The following CCDC102B variants were observed in gnomAD, a reference collection of about 807,000 sequenced individuals.
CCDC102B encodes the protein coiled-coil domain containing 102B.
Under a neutral mutation model 57.4 loss-of-function variants are expected in CCDC102B, and 75 were observed. The observed-to-expected ratio is 1.31, with a 90% CI of 1.08 to 1.58. CCDC102B has a LOEUF of 1.58. Ranked by LOEUF, CCDC102B falls within the 40% of genes most tolerant of loss-of-function variation. CCDC102B has a pLI of 0.00. For missense variants in CCDC102B, 636 were observed against 582.6 expected (o/e 1.09, Z -0.94); for synonymous variants, 206 against 201.9 (o/e 1.02, Z -0.17).
In CCDC102B at chr18:69,031,797, A is replaced by G. The variant is rs559974653; in HGVS notation, c.1434+20693A>G. Among the ~76,000 whole-genome samples the G allele has an allele frequency of 2.0e-5, 3 of 152,262 alleles. No individual in the cohort carries two copies. The South Asian group carries it at 6.2e-4, about 32-fold the overall frequency. On this transcript the variant is annotated intron_variant, in intron 7 of 7. Coordinates refer to ENST00000360242, the MANE Select transcript of CCDC102B (RefSeq NM_024781.3). ...GTGTGGCAGGTGGTGTCTTAATATAATAACTGGGCTGAATTCCCAGAGTAC... is the reference window on the plus strand; with the variant it reads ...GTGTGGCAGGTGGTGTCTTAATATAGTAACTGGGCTGAATTCCCAGAGTAC...
intron 1 of CCDC102B, among the ~76,000 whole-genome samples, chr18:68,817,476 C>T (rs933950712): frequency 1.3e-5 from 2 of 152,132 alleles, no homozygotes; most frequent in African/African-American, 4.8e-5. Flanking sequence ...TATCTTGGTT[C>T]TGTTTTTCTG....
At chr18:68,722,640 T>C (rs929797691) in intron 2 of CCDC102B, among the ~76,000 whole-genome samples, 1 of 152,192 alleles carries the variant, frequency 6.6e-6, no homozygotes, top group Non-Finnish European at 1.5e-5. Flanking sequence ...TTAGAAGCCT[T>C]TAGATGTTTA....
At chr18:69,022,838 G>T (rs539249511) in intron 7 of CCDC102B, among the ~76,000 whole-genome samples, 64 of 151,830 alleles carry the variant, frequency 4.2e-4, no homozygotes, top group Non-Finnish European at 7.4e-4. Flanking sequence ...CATATTGCAG[G>T]GAAATTTTCA....
chr18:68,833,815 A>C (rs2037248132), intron 1 of CCDC102B, among the ~76,000 whole-genome samples: 1 of 152,208 alleles, frequency 6.6e-6, no homozygotes, highest in Non-Finnish European at 1.5e-5. Context: ...TATGTACTAC[A>C]TTCAAAAATA....
intron 6 of CCDC102B, among the ~76,000 whole-genome samples, chr18:68,981,281 A>G (rs1030379344): frequency 1.3e-5 from 2 of 152,002 alleles, no homozygotes; most frequent in Non-Finnish European, 2.9e-5. Flanking sequence ...AGAGACAGGG[A>G]AAAAGGAAAC....
At chr18:68,824,856 T>C (rs1039433998) in intron 1 of CCDC102B, among the ~76,000 whole-genome samples, 2 of 152,238 alleles carry the variant, frequency 1.3e-5, no homozygotes, top group Admixed American at 6.5e-5. Flanking sequence ...GAAAAATTTC[T>C]TTGTCTATCT....
At chr18:68,723,821 G>A (rs186545015) in intron 2 of CCDC102B, among the ~76,000 whole-genome samples, 3 of 152,204 alleles carry the variant, frequency 2.0e-5, no homozygotes, top group Admixed American at 6.5e-5. Context: ...CCATTCTGGG[G>A]TGTGGAGGAT....
chr18:68,898,178 T>C (rs568685582), intron 6 of CCDC102B, among the ~76,000 whole-genome samples: 2 of 152,214 alleles, frequency 1.3e-5, no homozygotes, highest in South Asian at 2.1e-4. Flanking sequence ...TTTTCAATTA[T>C]ATATAGCATC....
chr18:68,850,872 G>C (rs774852344), intron 4 of CCDC102B, among the ~76,000 whole-genome samples: 1 of 151,742 alleles, frequency 6.6e-6, no homozygotes, highest in East Asian at 1.9e-4. Context: ...CACACCTTTC[G>C]ATTAACCTCA....
chr18:68,876,749 A>C (rs1021747302), intron 5 of CCDC102B, among the ~76,000 whole-genome samples: 1 of 152,216 alleles, frequency 6.6e-6, no homozygotes, highest in Non-Finnish European at 1.5e-5. Context: ...CTGGGTTTAT[A>C]TTGACAAAAC....
chr18:68,777,533 A>AT (rs1372662125), intron 2 of CCDC102B, among the ~76,000 whole-genome samples: 1 of 152,192 alleles, frequency 6.6e-6, no homozygotes, highest in Non-Finnish European at 1.5e-5. Flanking sequence ...TTCCTTACAG[A>AT]TCAACAAAAT....
intron 2 of CCDC102B, among the ~76,000 whole-genome samples, chr18:68,718,747 C>T (rs1024142108): frequency 2.6e-5 from 4 of 152,186 alleles, no homozygotes; most frequent in African/African-American, 9.7e-5. Context: ...TGATCAGTCC[C>T]TAGAGAATCT....
Position 68,838,835 on chromosome 18 carries a change from A to G in CCDC102B, c.736A>G (p.Ile246Val). ...ETKTGLRLKA[I>V]NLPLENEVTE... ...GAAAACTGGGCTGAGACTGAAAGCA[A>G]TAAATCTGCCTTTGGAAAATGAAGT... Residue 246 changes from isoleucine (I) to valine (V), a missense_variant, in exon 3 of 8, where the codon ATA becomes GTA. By Grantham distance (29) the Ile-to-Val change is conservative. Transcript: ENST00000360242. The G allele has an allele frequency of 2.5e-6, 4 of 1,614,034 alleles. No homozygotes were observed. The highest frequency in any genetic ancestry group is 1.3e-5 in the African/African-American group (1 of 75,046).
chr18:68,740,676 C>T (rs918120295), intron 2 of CCDC102B, among the ~76,000 whole-genome samples: 2 of 152,186 alleles, frequency 1.3e-5, no homozygotes, highest in African/African-American at 4.8e-5. Context: ...GCATGAGTAA[C>T]CCAGTGCTGC....
chr18:68,782,683 T>C (rs2035046692), intron 2 of CCDC102B, among the ~76,000 whole-genome samples: 1 of 152,202 alleles, frequency 6.6e-6, no homozygotes, highest in Non-Finnish European at 1.5e-5. Flanking sequence ...TTTGACTTAA[T>C]CAGCATTGAT....
intron 2 of CCDC102B, among the ~76,000 whole-genome samples, chr18:68,789,312 A>T (rs2035338455): frequency 6.6e-6 from 1 of 151,878 alleles, no homozygotes; most frequent in South Asian, 2.1e-4. Flanking sequence ...TGTGTCTTGG[A>T]GTTGCTCTTC....
chr18:69,045,868 T>C (rs2052551728), intron 7 of CCDC102B, among the ~76,000 whole-genome samples: 1 of 152,184 alleles, frequency 6.6e-6, no homozygotes, highest in South Asian at 2.1e-4. Context: ...TTTGGTTTTC[T>C]GTTTCTGTGT....
chr18:68,745,703 T>A (rs967224657), intron 2 of CCDC102B, among the ~76,000 whole-genome samples: 3 of 152,168 alleles, frequency 2.0e-5, no homozygotes, highest in African/African-American at 7.2e-5. Flanking sequence ...TCTAATTGTA[T>A]TTTTGTACCT....
intron 2 of CCDC102B, among the ~76,000 whole-genome samples, chr18:68,731,102 T>C (rs2032840656): frequency 1.3e-5 from 2 of 152,276 alleles, no homozygotes; most frequent in East Asian, 1.9e-4. Flanking sequence ...TTCTTCTGTC[T>C]CAGCTTCCCA....
Sources: allele counts gnomAD v4.1 joint callset (sites outside exome capture counted in the v4.1 genomes callset), GRCh38; gene constraint gnomAD v4.1.1; transcripts MANE v1.5; gene names NCBI Gene and HGNC (gene_info 2026-07-23, HGNC 2026-07-21).